HCRTR2: variants seen among roughly 807,000 people sequenced by gnomAD.
HCRTR2 encodes the protein orexin receptor type 2.
In HCRTR2, 22 loss-of-function variants were observed where a neutral mutation model predicts 49.0. The ratio of observed to expected loss-of-function variants is 0.45; its 90% CI spans 0.32 to 0.64. The LOEUF is 0.64. Ranked by LOEUF, HCRTR2 falls within the 30% of genes least tolerant of loss-of-function variation. The probability of loss-of-function intolerance (pLI) is 0.04; values close to 1 mark genes in which losing one functional copy is unlikely to be tolerated. For synonymous variants in HCRTR2, 236 were observed against 205.3 expected (o/e 1.15, Z -1.28); for missense variants, 491 against 559.4 (o/e 0.88, Z 1.23).
chr6:55,120,066 AG>A (rs1361960257), intron 1 of HCRTR2, among the ~76,000 whole-genome samples: 6 of 152,178 alleles, frequency 3.9e-5, no homozygotes, highest in Non-Finnish European at 8.8e-5. Context: ...GGTTTGTCAA[AG>A]ATCAGATGGT....
At chr6:55,209,159 TA>T (rs1765654941) in intron 1 of HCRTR2, among the ~76,000 whole-genome samples, 1 of 152,194 alleles carries the variant, frequency 6.6e-6, no homozygotes, top group African/African-American at 2.4e-5. Flanking sequence ...TTCTACTGTA[TA>T]TTATTGGCAT....
At position 55,234,221 on chromosome 6, in the gene HCRTR2, A is replaced by AAAAAAT. The variant is rs538831665; in HGVS notation, c.224-14413_224-14408dup. Among the ~76,000 whole-genome samples the AAAAAAT allele has an allele frequency of 1.5e-3, 232 of 152,266 alleles. 3 individuals carry two copies. The highest frequency in any genetic ancestry group is 5.3e-3 in the African/African-American group (222 of 41,560). ...TATTAATGATAAATTCTCTAACATCAAAAAATAAAACCTAGGTCATATAAA... is the reference window on the plus strand; with the variant it reads ...TATTAATGATAAATTCTCTAACATCAAAAAATAAAAATAAAACCTAGGTCATATAAA... On this transcript the variant is annotated intron_variant, in intron 1 of 6. Coordinates refer to ENST00000370862, the MANE Select transcript of HCRTR2 (RefSeq NM_001384272.1).
At chr6:55,149,815 T>C (rs1409558788) in intron 1 of HCRTR2, among the ~76,000 whole-genome samples, 2 of 152,062 alleles carry the variant, frequency 1.3e-5, no homozygotes. Context: ...TTTGAATACA[T>C]TAGTTAAACA....
At chr6:55,217,122 G>A (rs551978393) in intron 1 of HCRTR2, among the ~76,000 whole-genome samples, 1 of 152,262 alleles carries the variant, frequency 6.6e-6, no homozygotes, top group East Asian at 1.9e-4. Flanking sequence ...GAGCAGCCCT[G>A]GGCAGCAAGC....
intron 1 of HCRTR2, among the ~76,000 whole-genome samples, chr6:55,196,659 A>T (rs1277570698): frequency 6.6e-6 from 1 of 152,170 alleles, no homozygotes; most frequent in East Asian, 1.9e-4. Context: ...CAAAGTACTG[A>T]TTAAAATAGG....
Position 55,195,249 on chromosome 6 carries a change from C to T in HCRTR2, c.223+20439C>T, listed in dbSNP as rs1446979020. ...GGAAACACCTCAGAAAGGGAAATCTCAAGAAAATAATAAACTGAAAGAAGA... is the reference window on the plus strand; with the variant it reads ...GGAAACACCTCAGAAAGGGAAATCTTAAGAAAATAATAAACTGAAAGAAGA... On this transcript the variant is annotated intron_variant, in intron 1 of 6. Transcript: ENST00000370862. Among the ~76,000 whole-genome samples, 3 of 151,974 alleles carry T rather than the reference C, an allele frequency of 2.0e-5. No homozygotes were observed. The East Asian group carries it at 5.8e-4, about 29-fold the overall frequency.
chr6:55,204,540 G>A (rs1048565043), intron 1 of HCRTR2, among the ~76,000 whole-genome samples: 1 of 152,150 alleles, frequency 6.6e-6, no homozygotes, highest in African/African-American at 2.4e-5. Flanking sequence ...GGTGATGTAG[G>A]ACAGAGCCTG....
At chr6:55,229,126 C>G (rs2127299183) in intron 1 of HCRTR2, among the ~76,000 whole-genome samples, 1 of 152,274 alleles carries the variant, frequency 6.6e-6, no homozygotes, top group East Asian at 1.9e-4. Flanking sequence ...ATGACAAATG[C>G]TAGCAAGGAT....
chr6:55,241,861 A>ATTT lies in HCRTR2; in HGVS notation c.224-6757_224-6755dup, dbSNP rs917427627. Among the ~76,000 whole-genome samples, 883 of 92,450 alleles carry ATTT rather than the reference A, an allele frequency of 9.6e-3. 28 individuals are homozygous for ATTT. The highest frequency in any genetic ancestry group is 0.025 in the African/African-American group (575 of 22,942). 60.7% of individuals were successfully genotyped at this position (92,450 alleles called of 152,430 possible). On this transcript the variant is annotated intron_variant, in intron 1 of 6. Coordinates refer to ENST00000370862, the MANE Select transcript of HCRTR2 (RefSeq NM_001384272.1). ...GTAGTCTGTCTTACTATGGCAACTA[A>ATTT]TTTTTTTTTTTTTTTTTTTTTTTGT...
chr6:55,282,659 C>T, downstream of HCRTR2: 1 of 573,458 alleles, frequency 1.7e-6, no homozygotes, highest in Non-Finnish European at 3.1e-6. Context: ...GAAGTTTAAC[C>T]TTCAATTGAG....
intron 1 of HCRTR2, among the ~76,000 whole-genome samples, chr6:55,208,389 G>A (rs1765641676): frequency 6.6e-6 from 1 of 151,746 alleles, no homozygotes; most frequent in African/African-American, 2.4e-5. Flanking sequence ...CTACTCGGGA[G>A]GCTGAGGTGA....
intron 1 of HCRTR2, among the ~76,000 whole-genome samples, chr6:55,113,854 T>C (rs1490338095): frequency 1.3e-5 from 2 of 151,918 alleles, no homozygotes; most frequent in Non-Finnish European, 2.9e-5. Flanking sequence ...TACATGTTTA[T>C]GGCAGCACAA....
In HCRTR2 at chr6:55,248,820, A is replaced by G. The variant is rs1243218795; in HGVS notation, c.402+3A>G. Reference sequence around the variant, plus strand: ...GCAAAGTGATTCCTTATCTACAGGTAATTGTTTTTAATGCTTTTTTGAAGC... The same window carrying G: ...GCAAAGTGATTCCTTATCTACAGGTGATTGTTTTTAATGCTTTTTTGAAGC... On this transcript the variant is annotated splice_donor_region_variant and intron_variant, in intron 2 of 6. Transcript: ENST00000370862. The G allele has an allele frequency of 6.2e-7, 1 of 1,611,516 alleles. No individual in the cohort carries two copies. The highest frequency in any genetic ancestry group is 8.5e-7 in the Non-Finnish European group (1 of 1,177,802).
chr6:55,191,658 A>G (rs1377846454), intron 1 of HCRTR2, among the ~76,000 whole-genome samples: 1 of 152,180 alleles, frequency 6.6e-6, no homozygotes, highest in Non-Finnish European at 1.5e-5. Context: ...CTAAAAACAA[A>G]AACAAAAAAC....
intron 1 of HCRTR2, among the ~76,000 whole-genome samples, chr6:55,180,087 G>A (rs1047575945): frequency 6.6e-6 from 1 of 152,074 alleles, no homozygotes; most frequent in African/African-American, 2.4e-5. Context: ...TATTTATTGG[G>A]TACTATATGC....
chr6:55,118,575 T>G (rs1225617674), intron 1 of HCRTR2, among the ~76,000 whole-genome samples: 2 of 151,886 alleles, frequency 1.3e-5, no homozygotes, highest in Non-Finnish European at 2.9e-5. Flanking sequence ...ATGTTTTAAC[T>G]TTTTAATAAT....
chr6:55,252,296 T>C (rs919475770), intron 2 of HCRTR2, among the ~76,000 whole-genome samples: 1 of 152,140 alleles, frequency 6.6e-6, no homozygotes, highest in African/African-American at 2.4e-5. Flanking sequence ...AGTGAACTGA[T>C]ATGAATTGAT....
chr6:55,207,360 A>G (rs2127289040), intron 1 of HCRTR2, among the ~76,000 whole-genome samples: 2 of 152,094 alleles, frequency 1.3e-5, no homozygotes, highest in Middle Eastern at 6.8e-3. Context: ...TTTGCCTTGA[A>G]CTCAGTTAAA....
At chr6:55,168,003 G>A (rs1045703038) in intron 1 of HCRTR2, among the ~76,000 whole-genome samples, 19 of 152,186 alleles carry the variant, frequency 1.2e-4, no homozygotes, top group African/African-American at 4.3e-4. Context: ...AAACAAAGGC[G>A]GCACATATGT....
Sources: allele counts gnomAD v4.1 joint callset (sites outside exome capture counted in the v4.1 genomes callset), GRCh38; gene constraint gnomAD v4.1.1; transcripts MANE v1.5; gene names NCBI Gene and HGNC (gene_info 2026-07-23, HGNC 2026-07-21).